Variants in PPP2R2C observed in about 807,000 individuals in gnomAD.
PPP2R2C encodes protein phosphatase 2, regulatory subunit B, gamma.
PPP2R2C carries 10 observed loss-of-function variants against 45.3 expected under a neutral mutation model. The observed-to-expected ratio is 0.22, with a 90% CI of 0.14 to 0.37. The LOEUF (loss-of-function observed/expected upper bound fraction) is 0.37, where lower values mean the gene tolerates loss of function less well. PPP2R2C is among the 10% of genes least tolerant of loss of function. The pLI, the probability that PPP2R2C is intolerant of heterozygous loss-of-function variation, is 1.00. For synonymous variants in PPP2R2C, 257 were observed against 245.4 expected (o/e 1.05, Z -0.44); for missense variants, 308 against 619.7 (o/e 0.50, Z 5.34).
At chr4:6,426,795 G>A (rs2109402464) in intron 1 of PPP2R2C, among the ~76,000 whole-genome samples, 1 of 152,318 alleles carries the variant, frequency 6.6e-6, no homozygotes, top group East Asian at 1.9e-4. Context: ...CTGAGCCACA[G>A]GGGCAGGTGA....
intron 1 of PPP2R2C, among the ~76,000 whole-genome samples, chr4:6,541,416 C>G (rs1724799487): frequency 6.6e-6 from 1 of 152,180 alleles, no homozygotes; most frequent in Non-Finnish European, 1.5e-5. Context: ...CTGTTTCTCT[C>G]TGCCTGCTGT....
At chr4:6,549,298 C>T (rs777862807) in intron 1 of PPP2R2C, among the ~76,000 whole-genome samples, 1 of 152,074 alleles carries the variant, frequency 6.6e-6, no homozygotes, top group Non-Finnish European at 1.5e-5. Context: ...TCTGCTTTGG[C>T]CACACCAGCC....
intron 1 of PPP2R2C, among the ~76,000 whole-genome samples, chr4:6,412,223 G>C (rs562684283): frequency 7.2e-5 from 11 of 152,344 alleles, no homozygotes; most frequent in African/African-American, 2.6e-4. Flanking sequence ...AGAAGGTGAT[G>C]ACTATTTGCC....
In PPP2R2C at chr4:6,553,961, C is replaced by T. The variant is rs141187865; in HGVS notation, c.-59+9599G>A. On this transcript the variant is annotated intron_variant, in intron 1 of 9. Transcript: ENST00000506140. ...ACTTTCACAGACTGTGGCCCTGCTC[C>T]CTGATGGAAGCCTTCCTTCTTGGGG... is the stretch of plus-strand genomic sequence containing the variant. Among the ~76,000 whole-genome samples, 13 of 152,244 alleles carry T rather than the reference C, an allele frequency of 8.5e-5. No individual in the cohort carries two copies. The East Asian group carries it at 2.5e-3, about 29-fold the overall frequency.
At chr4:6,391,945 G>C (rs1479276589) in intron 1 of PPP2R2C, among the ~76,000 whole-genome samples, 1 of 152,162 alleles carries the variant, frequency 6.6e-6, no homozygotes, top group East Asian at 1.9e-4. Context: ...ACAGATACGG[G>C]AACACACACC....
intron 6 of PPP2R2C, among the ~76,000 whole-genome samples, chr4:6,341,901 T>C (rs1017502540): frequency 6.6e-6 from 1 of 152,084 alleles, no homozygotes; most frequent in African/African-American, 2.4e-5. Context: ...TTCCAGAATG[T>C]ACAACAGTCT....
At chr4:6,356,436 G>A (rs1713197525) in intron 5 of PPP2R2C, among the ~76,000 whole-genome samples, 2 of 152,194 alleles carry the variant, frequency 1.3e-5, no homozygotes. Flanking sequence ...GGACTCAGTT[G>A]GGCTCCAGAG....
chr4:6,512,197 G>C (rs1271207011), intron 2 of PPP2R2C, among the ~76,000 whole-genome samples: 1 of 75,790 alleles, frequency 1.3e-5, no homozygotes, highest in Non-Finnish European at 2.7e-5. Flanking sequence ...GGTGGTGGTG[G>C]TGATGGTGGT....
intron 6 of PPP2R2C, among the ~76,000 whole-genome samples, chr4:6,338,631 C>T (rs917596428): frequency 8.3e-4 from 126 of 152,224 alleles, no homozygotes; most frequent in Non-Finnish European, 1.9e-4. Context: ...TGTAGCTGAC[C>T]AGCTCCTTCT....
At chr4:6,360,512 G>C (rs1713634069) in intron 5 of PPP2R2C, among the ~76,000 whole-genome samples, 1 of 152,162 alleles carries the variant, frequency 6.6e-6, no homozygotes, top group South Asian at 2.1e-4. Context: ...GGAAGCTGTC[G>C]CCATGGCAAC....
rs1269780041 is a variant in PPP2R2C, at chr4:6,388,497, T to C, written c.71-7403A>G. Among the ~76,000 whole-genome samples, 5 of 152,232 alleles carry C rather than the reference T, an allele frequency of 3.3e-5. No individual in the cohort carries two copies. In the East Asian group the frequency reaches 7.7e-4, roughly 24 times the overall value. On this transcript the variant is annotated intron_variant, in intron 1 of 8. Coordinates refer to ENST00000382599, the MANE Select transcript of PPP2R2C (RefSeq NM_020416.4). ...GGTCATACTGGATTATGGTGGGCCC[T>C]AGATCTAAGGACTGGTATCCTGATA...
chr4:6,524,755 T>C (rs1408195041), intron 2 of PPP2R2C, among the ~76,000 whole-genome samples: 1 of 152,170 alleles, frequency 6.6e-6, no homozygotes, highest in African/African-American at 2.4e-5. Flanking sequence ...AAAGGATTCA[T>C]GTACAGAGGC....
intron 1 of PPP2R2C, among the ~76,000 whole-genome samples, chr4:6,451,306 G>A (rs1480691048): frequency 1.3e-5 from 2 of 152,202 alleles, no homozygotes; most frequent in East Asian, 3.8e-4. Context: ...CAACACTCCA[G>A]CCCCTGCCCT....
At chr4:6,479,925 C>G (rs1005426768) in intron 2 of PPP2R2C, among the ~76,000 whole-genome samples, 9 of 151,738 alleles carry the variant, frequency 5.9e-5, no homozygotes, top group Non-Finnish European at 8.8e-5. Context: ...TGCCCAGGCC[C>G]GTCTCTAATT....
chr4:6,349,756 T>C, intron 5 of PPP2R2C: 2 of 686,404 alleles, frequency 2.9e-6, no homozygotes, highest in Non-Finnish European at 3.6e-6. Flanking sequence ...AAATTAGTAG[T>C]GGCGTATGCC....
At chr4:6,479,212 C>T (rs952354791) in intron 2 of PPP2R2C, among the ~76,000 whole-genome samples, 1 of 152,190 alleles carries the variant, frequency 6.6e-6, no homozygotes, top group African/African-American at 2.4e-5. Flanking sequence ...GCCCATATAC[C>T]AGCTGGTATA....
At chr4:6,442,774 C>T (rs1486306503) in intron 1 of PPP2R2C, among the ~76,000 whole-genome samples, 1 of 152,212 alleles carries the variant, frequency 6.6e-6, no homozygotes, top group Non-Finnish European at 1.5e-5. Context: ...CCAGGCCACA[C>T]AGCTAGCAAG....
At position 6,472,461 on chromosome 4, in the gene PPP2R2C, C is replaced by G. The variant is rs1002298970; in HGVS notation, c.-232G>C. On this transcript the variant is annotated 5_prime_UTR_variant, in exon 1 of 9. Coordinates refer to ENST00000382599, the MANE Select transcript of PPP2R2C (RefSeq NM_020416.4). ...GCGGCGGCCGCGGGTTCGGGCGGGCCGGGGCCCAGGCGCGCATCCCGGCCG... is the reference window on the plus strand; with the variant it reads ...GCGGCGGCCGCGGGTTCGGGCGGGCGGGGGCCCAGGCGCGCATCCCGGCCG... 414 of 347,170 alleles carry G rather than the reference C, an allele frequency of 1.2e-3. 3 individuals carry two copies. Among genetic ancestry groups the G allele is most frequent in the South Asian group, 5.2e-3 (46 of 8,844 alleles). 21.5% of individuals were successfully genotyped at this position (347,170 alleles called of 1,614,324 possible).
At chr4:6,370,317 A>G (rs1021821242) in intron 5 of PPP2R2C, among the ~76,000 whole-genome samples, 2 of 152,234 alleles carry the variant, frequency 1.3e-5, no homozygotes, top group Admixed American at 6.5e-5. Context: ...TCTGAGCACC[A>G]AGTGAGACAA....
Sources: allele counts gnomAD v4.1 joint callset (sites outside exome capture counted in the v4.1 genomes callset), GRCh38; gene constraint gnomAD v4.1.1; transcripts MANE v1.5; gene names NCBI Gene and HGNC (gene_info 2026-07-23, HGNC 2026-07-21).